The following EPHA6 variants were observed in gnomAD, a reference collection of about 807,000 sequenced individuals.
EPHA6 encodes the protein EPH receptor A6.
A neutral mutation model predicts 112.0 loss-of-function variants in EPHA6; 50 were observed. That is an observed-to-expected ratio of 0.45 (90% CI 0.36 to 0.56). The LOEUF is 0.56. Among genes scored for constraint, EPHA6 ranks in the 20% least tolerant of loss-of-function variants. The pLI is 0.00. For synonymous variants in EPHA6, 529 were observed against 490.7 expected, an observed-to-expected ratio of 1.08 and a Z score of -1.03; for missense variants, 1,280 against 1,417.4, an observed-to-expected ratio of 0.90 and a Z score of 1.56.
chr3:97,029,908 T>A (rs2044766424), intron 3 of EPHA6, among the ~76,000 whole-genome samples: 1 of 152,114 alleles, frequency 6.6e-6, no homozygotes, highest in African/African-American at 2.4e-5. Flanking sequence ...GCAGTATCAG[T>A]TGGTCAGACT....
At chr3:97,361,346 TAAC>T (rs1559921052) in intron 5 of EPHA6, among the ~76,000 whole-genome samples, 6 of 152,214 alleles carry the variant, frequency 3.9e-5, no homozygotes, top group Non-Finnish European at 5.9e-5. Flanking sequence ...CAAGTCTTTT[TAAC>T]ACACAGATGT....
At chr3:96,938,841 A>G (rs555441903) in intron 2 of EPHA6, among the ~76,000 whole-genome samples, 5 of 151,948 alleles carry the variant, frequency 3.3e-5, no homozygotes, top group Non-Finnish European at 4.4e-5. Context: ...TTTGTCAAAG[A>G]CCTTTTCTGC....
chr3:97,068,435 G>T (rs1349866480), intron 3 of EPHA6, among the ~76,000 whole-genome samples: 1 of 152,108 alleles, frequency 6.6e-6, no homozygotes, highest in East Asian at 1.9e-4. Context: ...CTTACAGAAA[G>T]AAGCTGAAGG....
chr3:97,518,797 T>G (rs1437707792), intron 10 of EPHA6, among the ~76,000 whole-genome samples: 1 of 152,130 alleles, frequency 6.6e-6, no homozygotes, highest in African/African-American at 2.4e-5. Flanking sequence ...AAAATGTATA[T>G]GCATATCCTT....
In EPHA6 at chr3:97,148,416, T is replaced by A. The variant is rs143978637; in HGVS notation, c.1115-77848T>A. On this transcript the variant is annotated intron_variant, in intron 3 of 17. Coordinates refer to ENST00000389672, the MANE Select transcript of EPHA6 (RefSeq NM_001080448.3). ...AAGCCCGGGAATTCAAGGCTGCAGCTACAATTATGCCACTGTATTCCAGCC... is the reference window on the plus strand; with the variant it reads ...AAGCCCGGGAATTCAAGGCTGCAGCAACAATTATGCCACTGTATTCCAGCC... Among the ~76,000 whole-genome samples the A allele has an allele frequency of 4.3e-3, 654 of 152,184 alleles. 2 individuals carry two copies. The highest frequency in any genetic ancestry group is 0.015 in the African/African-American group (615 of 41,554).
At chr3:97,184,304 A>T (rs1363742237) in intron 3 of EPHA6, among the ~76,000 whole-genome samples, 1 of 152,110 alleles carries the variant, frequency 6.6e-6, no homozygotes, top group Non-Finnish European at 1.5e-5. Flanking sequence ...TTCATCTTCT[A>T]AGGGATTCTT....
intron 5 of EPHA6, among the ~76,000 whole-genome samples, chr3:97,347,975 C>A (rs67918466): frequency 0.16 from 23,654 of 152,060 alleles, 2,513 homozygotes; most frequent in Non-Finnish European, 0.23. Flanking sequence ...TAAAAATTTA[C>A]ATTGTCAGCA....
At chr3:97,154,304 CT>C (rs551839722) in intron 3 of EPHA6, among the ~76,000 whole-genome samples, 6 of 151,968 alleles carry the variant, frequency 3.9e-5, no homozygotes, top group South Asian at 2.1e-4. Context: ...TTTTCTTCCC[CT>C]ATGTATATTT....
In EPHA6 at chr3:97,245,612, T is replaced by C. The variant is rs998505675; in HGVS notation, c.1606+1325T>C. On this transcript the variant is annotated intron_variant, in intron 5 of 17. Coordinates refer to ENST00000389672, the MANE Select transcript of EPHA6 (RefSeq NM_001080448.3). ...GTGGCACTATGCAGACTGAAAAGCCTATTTCAAAAGGATGCATTCTGTATG... is the reference window on the plus strand; with the variant it reads ...GTGGCACTATGCAGACTGAAAAGCCCATTTCAAAAGGATGCATTCTGTATG... Among the ~76,000 whole-genome samples the C allele has an allele frequency of 6.6e-5, 10 of 152,130 alleles. 1 individual carries two copies. In the South Asian group the frequency reaches 2.1e-3, roughly 32 times the overall value.
At chr3:97,631,038 G>A (rs759437530) in intron 13 of EPHA6, among the ~76,000 whole-genome samples, 1 of 151,840 alleles carries the variant, frequency 6.6e-6, no homozygotes, top group African/African-American at 2.4e-5. Context: ...TGATTTATGC[G>A]AGTATGTGAC....
chr3:97,340,624 A>G (rs2083260039), intron 5 of EPHA6, among the ~76,000 whole-genome samples: 1 of 152,150 alleles, frequency 6.6e-6, no homozygotes, highest in Admixed American at 6.6e-5. Context: ...TGGCTAAAAC[A>G]TTTAATTTCC....
At chr3:97,108,522 A>G (rs1410554839) in intron 3 of EPHA6, among the ~76,000 whole-genome samples, 1 of 152,136 alleles carries the variant, frequency 6.6e-6, no homozygotes, top group Non-Finnish European at 1.5e-5. Flanking sequence ...AGAACACAAT[A>G]CTTACGTCAA....
At chr3:96,932,865 A>T (rs1052520127) in intron 2 of EPHA6, among the ~76,000 whole-genome samples, 5 of 152,224 alleles carry the variant, frequency 3.3e-5, no homozygotes, top group African/African-American at 1.2e-4. Context: ...TCATAATAAA[A>T]CATGCAAAAC....
intron 3 of EPHA6, among the ~76,000 whole-genome samples, chr3:97,074,365 G>A (rs2046451834): frequency 6.6e-6 from 1 of 151,886 alleles, no homozygotes; most frequent in Non-Finnish European, 1.5e-5. Flanking sequence ...AAATTTGGCA[G>A]CAGTTACACT....
intron 2 of EPHA6, among the ~76,000 whole-genome samples, chr3:96,930,158 C>T (rs1333265677): frequency 3.3e-5 from 5 of 152,172 alleles, no homozygotes; most frequent in Non-Finnish European, 5.9e-5. Flanking sequence ...CATTGGGTTA[C>T]AATATGTTAC....
intron 10 of EPHA6, among the ~76,000 whole-genome samples, chr3:97,504,840 T>C (rs1428298544): frequency 1.3e-5 from 2 of 152,362 alleles, no homozygotes; most frequent in Middle Eastern, 3.4e-3. Flanking sequence ...TACTTTTATA[T>C]TCACTTTCTA....
intron 2 of EPHA6, among the ~76,000 whole-genome samples, chr3:96,971,397 A>G (rs1241173010): frequency 6.6e-6 from 1 of 152,122 alleles, no homozygotes; most frequent in Non-Finnish European, 1.5e-5. Context: ...AGTTTGCCCA[A>G]AGTGAAATAG....
At chr3:97,004,978 G>T (rs2043821491) in intron 3 of EPHA6, among the ~76,000 whole-genome samples, 1 of 152,140 alleles carries the variant, frequency 6.6e-6, no homozygotes, top group Non-Finnish European at 1.5e-5. Context: ...CTATATGTCT[G>T]TTTTGGCATC....
chr3:97,631,824 C>T (rs949056868), intron 13 of EPHA6, among the ~76,000 whole-genome samples: 1 of 151,992 alleles, frequency 6.6e-6, no homozygotes, highest in African/African-American at 2.4e-5. Flanking sequence ...GACACTGAAT[C>T]GCCAGAGTTA....
Sources: gnomAD v4.1 joint callset for allele counts (sites outside exome capture counted in the v4.1 genomes callset) on GRCh38, gnomAD v4.1.1 for gene constraint, MANE v1.5 for transcripts, NCBI Gene and HGNC (gene_info 2026-07-23, HGNC 2026-07-21) for gene names.